Variants in DTNB observed in about 807,000 individuals in gnomAD.
DTNB encodes DTN-B.
DTNB carries 63 observed loss-of-function variants against 90.7 expected under a neutral mutation model. The observed-to-expected ratio is 0.69, with a 90% CI of 0.57 to 0.86. The LOEUF (loss-of-function observed/expected upper bound fraction) is 0.86. Ranked by LOEUF, DTNB falls within the 40% of genes least tolerant of loss-of-function variation. DTNB has a pLI of 0.00. For synonymous variants in DTNB, 277 were observed against 286.7 expected, an observed-to-expected ratio of 0.97 and a Z score of 0.34; for missense variants, 744 against 807.1, an observed-to-expected ratio of 0.92 and a Z score of 0.95.
At chr2:25,545,548 T>G (rs1201498727) in intron 8 of DTNB, among the ~76,000 whole-genome samples, 1 of 152,200 alleles carries the variant, frequency 6.6e-6, no homozygotes, top group African/African-American at 2.4e-5. Flanking sequence ...GATGAAGACT[T>G]GCTATACCTG....
intron 4 of DTNB, among the ~76,000 whole-genome samples, chr2:25,617,766 T>C (rs954910269): frequency 2.0e-5 from 3 of 151,966 alleles, no homozygotes; most frequent in South Asian, 2.1e-4. Flanking sequence ...TAGTTCCAGC[T>C]ACATGGGAGG....
At chr2:25,635,423 T>A (rs1312797906) in intron 3 of DTNB, among the ~76,000 whole-genome samples, 1 of 152,088 alleles carries the variant, frequency 6.6e-6, no homozygotes, top group Non-Finnish European at 1.5e-5. Context: ...CGACTCTGAT[T>A]CAAAACATAA....
intron 2 of DTNB, among the ~76,000 whole-genome samples, chr2:25,643,159 C>A (rs1324102945): frequency 1.3e-5 from 2 of 152,146 alleles, no homozygotes; most frequent in Non-Finnish European, 2.9e-5. Context: ...TCACCTCACA[C>A]CCAACTCCAA....
intron 16 of DTNB, among the ~76,000 whole-genome samples, chr2:25,410,783 G>T (rs1325295814): frequency 6.6e-6 from 1 of 152,026 alleles, no homozygotes; most frequent in Non-Finnish European, 1.5e-5. Context: ...GCGATAAAAA[G>T]AACAATGTAT....
intron 14 of DTNB, among the ~76,000 whole-genome samples, chr2:25,429,220 TTGA>T (rs1460097332): frequency 3.3e-5 from 5 of 152,358 alleles, no homozygotes; most frequent in South Asian, 2.1e-4. Flanking sequence ...GGACAATATT[TTGA>T]AAATATCAGG....
intron 2 of DTNB, among the ~76,000 whole-genome samples, chr2:25,649,067 C>T (rs916422582): frequency 2.3e-5 from 3 of 132,984 alleles, no homozygotes; most frequent in Admixed American, 8.9e-5. Context: ...TGCAGTGGCG[C>T]GATCTTGGCT....
intron 10 of DTNB, 60 bp downstream of exon 10, chr2:25,482,736 G>T: frequency 6.4e-7 from 1 of 1,550,574 alleles, no homozygotes; most frequent in South Asian, 1.1e-5. Flanking sequence ...TTTCTGGCAG[G>T]GGCATCGCAA....
intron 3 of DTNB, among the ~76,000 whole-genome samples, chr2:25,628,992 AG>A (rs1487628524): frequency 6.6e-6 from 1 of 152,218 alleles, no homozygotes; most frequent in East Asian, 1.9e-4. Context: ...TAGGCGCGGT[AG>A]CTGGGTCTAC....
At chr2:25,664,457 T>G (rs2083931816) in intron 1 of DTNB, among the ~76,000 whole-genome samples, 1 of 152,194 alleles carries the variant, frequency 6.6e-6, no homozygotes, top group Admixed American at 6.5e-5. Flanking sequence ...CTAAAACATG[T>G]GCTAAAACAA....
rs1165763659 is a variant in DTNB at position 25,424,179 on chromosome 2, G to C, written c.1554+3356C>G. On this transcript the variant is annotated intron_variant, in intron 15 of 20. Transcript: ENST00000406818. This position sits in a 1 kb window ranked among gnomAD's most constrained non-coding sequence, Gnocchi z 4.1. ...TGAATTCTAGCCAATGGATAGAAAG[G>C]CAACATTCCTAGATTTGTGTTTGCA... Among the ~76,000 whole-genome samples the C allele has an allele frequency of 3.9e-5, 6 of 152,146 alleles. No homozygotes were observed. The highest frequency in any genetic ancestry group is 1.4e-4 in the African/African-American group (6 of 41,448).
intron 15 of DTNB, among the ~76,000 whole-genome samples, chr2:25,423,826 A>G (rs1214654303): frequency 6.6e-6 from 1 of 151,996 alleles, no homozygotes; most frequent in African/African-American, 2.4e-5. Flanking sequence ...CGCTCAGGTA[A>G]CTTTTGTATT....
intron 5 of DTNB, 120 bp from the exon 6 acceptor site, chr2:25,596,360 G>T: frequency 8.6e-7 from 1 of 1,168,366 alleles, no homozygotes; most frequent in Non-Finnish European, 1.2e-6. Flanking sequence ...TAAAATTATT[G>T]TGACTTTTAG....
chr2:25,578,546 T>C (rs550189659), intron 7 of DTNB, among the ~76,000 whole-genome samples: 2 of 152,344 alleles, frequency 1.3e-5, no homozygotes, highest in South Asian at 4.1e-4. Flanking sequence ...TATATGTCTA[T>C]GTGATTCTCC....
chr2:25,548,238 G>C (rs1274666443), intron 8 of DTNB, among the ~76,000 whole-genome samples: 2 of 151,850 alleles, frequency 1.3e-5, no homozygotes, highest in Non-Finnish European at 2.9e-5. Context: ...TTCTTTCCTA[G>C]AAAGTACATG....
chr2:25,435,732 G>A (rs904923419), intron 12 of DTNB, among the ~76,000 whole-genome samples: 1 of 152,100 alleles, frequency 6.6e-6, no homozygotes, highest in Non-Finnish European at 1.5e-5. Flanking sequence ...TATTTCTCTT[G>A]TGTACGTACC....
At chr2:25,476,126 T>C (rs2150341129) in intron 10 of DTNB, among the ~76,000 whole-genome samples, 1 of 149,662 alleles carries the variant, frequency 6.7e-6, no homozygotes, top group Non-Finnish European at 1.5e-5. Flanking sequence ...TGGAGTGCAA[T>C]GGCACAATCT....
intron 5 of DTNB, among the ~76,000 whole-genome samples, chr2:25,606,578 T>C (rs1377781): frequency 0.27 from 40,410 of 152,102 alleles, 6,210 homozygotes; most frequent in Non-Finnish European, 0.36. Context: ...TCTTGGCATA[T>C]CTTAGGGAGT....
chr2:25,665,781 A>G (rs1174813269), intron 1 of DTNB, among the ~76,000 whole-genome samples: 1 of 152,028 alleles, frequency 6.6e-6, no homozygotes, highest in Admixed American at 6.5e-5. Context: ...AGATTTAAAA[A>G]AAAAAAAAAA....
chr2:25,602,060 T>C (rs1370584958), intron 5 of DTNB, among the ~76,000 whole-genome samples: 2 of 146,252 alleles, frequency 1.4e-5, no homozygotes, highest in Non-Finnish European at 3.0e-5. Flanking sequence ...AGGTGGAAGC[T>C]GCGGTGAGCC....
Sources: allele counts gnomAD v4.1 joint callset (sites outside exome capture counted in the v4.1 genomes callset), GRCh38; gene constraint gnomAD v4.1.1; non-coding constraint Gnocchi (gnomAD v3.1); transcripts MANE v1.5; gene names NCBI Gene and HGNC (gene_info 2026-07-23, HGNC 2026-07-21).